The following BCAS3 variants were observed in gnomAD, a reference collection of about 807,000 sequenced individuals.
The protein encoded by BCAS3 is BCAS4/BCAS3 fusion.
In BCAS3, 53 loss-of-function variants were observed where a neutral mutation model predicts 116.1. The ratio of observed to expected loss-of-function variants is 0.46; its 90% CI spans 0.37 to 0.57. The LOEUF (loss-of-function observed/expected upper bound fraction) is 0.57, where lower values mean the gene tolerates loss of function less well. Among genes scored for constraint, BCAS3 ranks in the 20% least tolerant of loss-of-function variants. The pLI is 0.00. For missense variants in BCAS3, 917 were observed against 1,165.4 expected, an observed-to-expected ratio of 0.79 and a Z score of 3.10; for synonymous variants, 391 against 408.2, an observed-to-expected ratio of 0.96 and a Z score of 0.51.
intron 7 of BCAS3, among the ~76,000 whole-genome samples, chr17:60,816,314 C>T (rs1357925926): frequency 2.2e-5 from 3 of 138,172 alleles, no homozygotes; most frequent in Non-Finnish European, 4.5e-5. Flanking sequence ...CTTGCTCTGT[C>T]GCCAGACTGG....
At chr17:61,071,619 T>G (rs2143427869) in intron 19 of BCAS3, among the ~76,000 whole-genome samples, 1 of 152,346 alleles carries the variant, frequency 6.6e-6, no homozygotes, top group East Asian at 1.9e-4. Context: ...GGTATACTGT[T>G]GGGACTGTTC....
At chr17:61,116,303 G>T (rs117214293) in intron 22 of BCAS3, among the ~76,000 whole-genome samples, 2 of 151,928 alleles carry the variant, frequency 1.3e-5, no homozygotes, top group African/African-American at 4.8e-5. Context: ...GATCCTTTAT[G>T]TATCTTTATT....
chr17:61,238,014 A>T (rs1235336436), intron 22 of BCAS3, among the ~76,000 whole-genome samples: 1 of 152,114 alleles, frequency 6.6e-6, no homozygotes, highest in Non-Finnish European at 1.5e-5. Context: ...AGTTGGTTTA[A>T]ATATACGGGT....
At chr17:61,050,723 G>A (rs922967109) in intron 19 of BCAS3, among the ~76,000 whole-genome samples, 1 of 151,918 alleles carries the variant, frequency 6.6e-6, no homozygotes. Context: ...GATTTAAAAA[G>A]TAAGTTCTAA....
chr17:61,031,698 A>G (rs984781751), intron 16 of BCAS3, among the ~76,000 whole-genome samples: 4 of 152,122 alleles, frequency 2.6e-5, no homozygotes, highest in Admixed American at 6.6e-5. Flanking sequence ...CCCAACACAC[A>G]ACACTATGTT....
intron 23 of BCAS3, among the ~76,000 whole-genome samples, chr17:61,385,613 C>CTCAAAGCCAGGCACTGG (rs1365571366): frequency 1.3e-5 from 2 of 152,248 alleles, no homozygotes; most frequent in African/African-American, 4.8e-5. Flanking sequence ...TGCAAACCTT[C>CTCAAAGCCAGGCACTGG]TCAAAGCCAG....
rs958779922 is a variant in BCAS3 at position 61,067,732 on chromosome 17, A to C, written c.2030-7188A>C. ...TCCATCTCAAACAAACAAACAAAAA[A>C]AAAAAAAAATATATATATATATATA... On this transcript the variant is annotated intron_variant, in intron 19 of 23. Transcript: ENST00000407086. 1.5e-3 allele frequency among the ~76,000 whole-genome samples: 215 copies of C among 145,278 alleles called. 1 individual carries two copies. Among genetic ancestry groups the C allele is most frequent in the African/African-American group, 4.6e-3 (173 of 37,814 alleles).
intron 2 of BCAS3, among the ~76,000 whole-genome samples, chr17:60,682,261 A>G (rs2033272992): frequency 6.6e-6 from 1 of 152,154 alleles, no homozygotes; most frequent in Admixed American, 6.5e-5. Context: ...AGATAGAAAG[A>G]AAGGTGGTAT....
intron 7 of BCAS3, among the ~76,000 whole-genome samples, chr17:60,821,458 A>G (rs2049960300): frequency 6.6e-6 from 1 of 152,180 alleles, no homozygotes; most frequent in African/African-American, 2.4e-5. Context: ...AAACAAGACA[A>G]TGAACATCTT....
chr17:60,952,061 T>A (rs1388014519), intron 14 of BCAS3, among the ~76,000 whole-genome samples: 1 of 151,788 alleles, frequency 6.6e-6, no homozygotes, highest in Non-Finnish European at 1.5e-5. Context: ...CATGAGCCAC[T>A]GCACTTGGCT....
At position 61,118,417 on chromosome 17, in the gene BCAS3, CAG is replaced by C. The variant is rs1248240073; in HGVS notation, c.2425+33854_2425+33855del. On this transcript the variant is annotated intron_variant, in intron 22 of 23. Transcript: ENST00000407086. This position sits in a 1 kb window ranked among gnomAD's most constrained non-coding sequence, Gnocchi z 5.0. ...GGAGTGGTGCCTCCTTACTGCCAAG[CAG>C]GGGTGAAAATCCAGACTCCCCATTT... Among the ~76,000 whole-genome samples the C allele has an allele frequency of 6.6e-6, 1 of 152,180 alleles. No individual in the cohort carries two copies. The highest frequency in any genetic ancestry group is 1.5e-5 in the Non-Finnish European group (1 of 68,022).
rs1339965338 is a variant in BCAS3, at chr17:61,051,649, G to A, written c.2029+10757G>A. On this transcript the variant is annotated intron_variant, in intron 19 of 23. Coordinates refer to ENST00000407086, the MANE Select transcript of BCAS3 (RefSeq NM_017679.5). This position sits in a 1 kb window ranked among gnomAD's most constrained non-coding sequence, Gnocchi z 4.1. ...GTCTTACTCTGTCACTCAGACTGGA[G>A]TGCAGTGTCTTAGTCATGGTTCACT... Among the ~76,000 whole-genome samples, 1 of 152,152 alleles carries A rather than the reference G, an allele frequency of 6.6e-6. No homozygotes were observed. Among genetic ancestry groups the A allele is most frequent in the Admixed American group, 6.5e-5 (1 of 15,280 alleles).
chr17:61,135,851 G>A (rs950638836), intron 22 of BCAS3: 1 of 152,314 alleles, frequency 6.6e-6, no homozygotes, highest in Admixed American at 6.5e-5. Context: ...AGACCGTGCG[G>A]CCTAAAGATA....
Position 61,239,743 on chromosome 17 carries a change from C to T in BCAS3, c.2426-128584C>T, listed in dbSNP as rs886417347. 1.3e-5 allele frequency among the ~76,000 whole-genome samples: 2 copies of T among 152,140 alleles called. No individual in the cohort carries two copies. The highest frequency in any genetic ancestry group is 4.8e-5 in the African/African-American group (2 of 41,418). Reference sequence around the variant, plus strand: ...ACTTAAAGATTTTAATCAAGATAATCCTAAAATGTCTTAAGGTGCAACTTA... The same window carrying T: ...ACTTAAAGATTTTAATCAAGATAATTCTAAAATGTCTTAAGGTGCAACTTA... On this transcript the variant is annotated intron_variant, in intron 22 of 23. Transcript: ENST00000407086. The surrounding 1 kb of genome is among the most constrained non-coding windows in gnomAD (Gnocchi z 4.2).
chr17:60,915,246 G>A (rs982966282), intron 12 of BCAS3, among the ~76,000 whole-genome samples: 1 of 152,084 alleles, frequency 6.6e-6, no homozygotes, highest in African/African-American at 2.4e-5. Context: ...AAAATTTTCT[G>A]AGTGATGTGG....
chr17:61,024,876 A>G (rs1332893188), intron 16 of BCAS3, among the ~76,000 whole-genome samples: 1 of 152,050 alleles, frequency 6.6e-6, no homozygotes, highest in East Asian at 1.9e-4. Context: ...AAACTTCTAA[A>G]TTCTTTATAA....
intron 22 of BCAS3, among the ~76,000 whole-genome samples, chr17:61,298,018 T>C (rs2053092591): frequency 1.3e-5 from 2 of 152,172 alleles, no homozygotes; most frequent in South Asian, 4.1e-4. Flanking sequence ...TGTGGGGCCT[T>C]GGGCAAGTCA....
intron 22 of BCAS3, among the ~76,000 whole-genome samples, chr17:61,267,974 T>G (rs1330667513): frequency 1.3e-5 from 2 of 152,046 alleles, no homozygotes; most frequent in Non-Finnish European, 2.9e-5. Context: ...GGGTCACATA[T>G]CTCTTGAATA....
At chr17:60,771,932 C>A (rs184927579) in intron 6 of BCAS3, among the ~76,000 whole-genome samples, 14 of 152,138 alleles carry the variant, frequency 9.2e-5, no homozygotes, top group Middle Eastern at 3.2e-3. Flanking sequence ...ATATGTGCCA[C>A]GTTTTCTTAA....
Sources: gnomAD v4.1 joint callset for allele counts (sites outside exome capture counted in the v4.1 genomes callset) on GRCh38, gnomAD v4.1.1 for gene constraint, Gnocchi (gnomAD v3.1) non-coding constraint, MANE v1.5 for transcripts, NCBI Gene and HGNC (gene_info 2026-07-23, HGNC 2026-07-21) for gene names.